DMKN: variants seen among roughly 807,000 people sequenced by gnomAD.
The protein encoded by DMKN is epidermis-specific secreted protein SK30/SK89.
A neutral mutation model predicts 67.6 loss-of-function variants in DMKN; 58 were observed. The observed-to-expected ratio is 0.86, with a 90% CI of 0.69 to 1.07. The LOEUF (loss-of-function observed/expected upper bound fraction) is 1.07. Among genes scored for constraint, DMKN ranks in the 50% least tolerant of loss-of-function variants. DMKN has a pLI of 0.00. For synonymous variants in DMKN, 240 were observed against 232.3 expected, an observed-to-expected ratio of 1.03 and a Z score of -0.30; for missense variants, 596 against 601.5, an observed-to-expected ratio of 0.99 and a Z score of 0.10.
chr19:35,503,251 C>T, intron 9 of DMKN: 2 of 1,460,594 alleles, frequency 1.4e-6, no homozygotes, highest in Non-Finnish European at 9.0e-7. Flanking sequence ...GCCACCCCTT[C>T]CACACCACCC....
intron 13 of DMKN, 104 bp downstream of exon 13, chr19:35,499,854 C>G (rs1471167546): frequency 1.5e-5 from 19 of 1,250,080 alleles, no homozygotes; most frequent in South Asian, 2.5e-5. Flanking sequence ...AGAGCGGGAT[C>G]CGGCCTCCGG....
intron 9 of DMKN, 126 bp downstream of exon 9, chr19:35,505,592 G>A: frequency 8.0e-7 from 1 of 1,251,146 alleles, no homozygotes; most frequent in Non-Finnish European, 1.1e-6. Flanking sequence ...AGTGTGTTTA[G>A]TTTTTGTTTT....
chr19:35,506,239 T>G (rs1199932164), intron 7 of DMKN: 1 of 1,453,868 alleles, frequency 6.9e-7, no homozygotes, highest in African/African-American at 1.4e-5. Flanking sequence ...CTATCATGCC[T>G]GCCACCTGTC....
chr19:35,498,494 C>A (rs912935138), intron 15 of DMKN: 2 of 625,974 alleles, frequency 3.2e-6, no homozygotes, highest in Non-Finnish European at 5.5e-6. Flanking sequence ...CAGGCATGAG[C>A]CACTGCACCC....
intron 9 of DMKN, chr19:35,503,491 T>C: frequency 6.5e-7 from 1 of 1,541,290 alleles, no homozygotes; most frequent in Admixed American, 2.0e-5. Context: ...TTTTTTTTTT[T>C]TTGAGATGGA....
At position 35,511,818 on chromosome 19, in the gene DMKN, C is replaced by A; in HGVS notation, c.685-5G>T. 6.2e-7 allele frequency: 1 copy of A among 1,611,950 alleles called. No homozygotes were observed. The highest frequency in any genetic ancestry group is 8.5e-7 in the Non-Finnish European group (1 of 1,178,878). ...AGATGGTGGGGGATTCGTGCACTGT[C>A]GAGGGAAAGGGATGGTGAGTTTGGG... On this transcript the variant is annotated splice_polypyrimidine_tract_variant and splice_region_variant and intron_variant, in intron 3 of 15. Coordinates refer to ENST00000339686, the MANE Select transcript of DMKN (RefSeq NM_033317.5).
chr19:35,510,449 A>T (rs761604228), intron 5 of DMKN, 197 bp from the exon 6 acceptor site: 1 of 1,552,132 alleles, frequency 6.4e-7, no homozygotes, highest in Non-Finnish European at 8.7e-7. Flanking sequence ...GGTGTGGCCG[A>T]GGGTATTCGG....
At chr19:35,503,062 G>C (rs910036597) in intron 9 of DMKN, among the ~76,000 whole-genome samples, 176 bp from the exon 10 acceptor site, 1 of 152,182 alleles carries the variant, frequency 6.6e-6, no homozygotes, top group Non-Finnish European at 1.5e-5. Context: ...CACAGGGAGA[G>C]AGAGAGGCAC....
chr19:35,506,248 T>C, intron 7 of DMKN: 1 of 1,444,428 alleles, frequency 6.9e-7, no homozygotes, highest in Non-Finnish European at 9.1e-7. Context: ...CTGCCACCTG[T>C]CAACCTGCCC....
intron 11 of DMKN, among the ~76,000 whole-genome samples, chr19:35,501,063 G>T (rs932606371): frequency 1.3e-5 from 2 of 152,180 alleles, no homozygotes; most frequent in African/African-American, 4.8e-5. Flanking sequence ...CAAAAGAAGA[G>T]AAATACAAGA....
In DMKN at chr19:35,508,464, C is replaced by T. The variant is rs867475879; in HGVS notation, c.1038+1447G>A. ...AGTGAAGATAAGAGGTAGATAGTAA[C>T]ATACTCTAAAGCTACCATAAATAAA... On this transcript the variant is annotated intron_variant, in intron 7 of 15. Transcript: ENST00000339686. The T allele has an allele frequency of 1.2e-5, 6 of 499,294 alleles. No individual in the cohort carries two copies. The Middle Eastern group carries it at 1.5e-3, about 121-fold the overall frequency. The allele number at this position is 499,294 out of a possible 1,614,324, so 30.9% of individuals were successfully genotyped here. A position where few individuals can be genotyped will look rare whatever the true frequency, so the allele number is the denominator to read the frequency against.
chr19:35,512,701 C>T lies in DMKN; in HGVS notation c.516G>A (p.Trp172Ter), dbSNP rs772952869. 46 of 1,614,052 alleles carry T rather than the reference C, an allele frequency of 2.8e-5. No individual in the cohort carries two copies. The highest frequency in any genetic ancestry group is 3.9e-5 in the Non-Finnish European group (46 of 1,180,032). Residue 172 changes from tryptophan (W) to a stop codon, truncating the protein, a stop_gained, in exon 2 of 16, where the codon TGG (tryptophan) becomes TGA (stop). Transcript: ENST00000339686. LOFTEE classifies it high-confidence loss of function. ...CTGAGTTTCCGGGGTATCCGTGGACCCACGGAGTCCCCAGACCTCCAGGAT... is the reference window on the plus strand; with the variant it reads ...CTGAGTTTCCGGGGTATCCGTGGACTCACGGAGTCCCCAGACCTCCAGGAT... ...QGNPGGLGTP[W>*]VHGYPGNSAG... is the part of the protein sequence containing the mutation.
chr19:35,498,898 C>A lies in DMKN; in HGVS notation c.1360-1G>T, dbSNP rs184563318. On this transcript the variant is annotated splice_acceptor_variant, in intron 13 of 15. Transcript: ENST00000339686. LOFTEE classifies it high-confidence loss of function. ...CCGAGGAAGAAGGTGAGACTCCCCCCTGCAAAAAGATCAAAGGAAAGTGAT... is the reference window on the plus strand; with the variant it reads ...CCGAGGAAGAAGGTGAGACTCCCCCATGCAAAAAGATCAAAGGAAAGTGAT... 4 of 1,614,022 alleles carry A rather than the reference C, an allele frequency of 2.5e-6. No homozygotes were observed. The highest frequency in any genetic ancestry group is 2.5e-6 in the Non-Finnish European group (3 of 1,180,016).
At position 35,510,259 on chromosome 19, in the gene DMKN, G is replaced by A. The variant is rs1340534220; in HGVS notation, c.919-7C>T. The A allele has an allele frequency of 1.3e-6, 2 of 1,598,840 alleles. No homozygotes were observed. Among genetic ancestry groups the A allele is most frequent in the Non-Finnish European group, 1.7e-6 (2 of 1,172,592 alleles). Reference sequence around the variant, plus strand: ...AGGAGCCGGTGCTGGATCCCTGCAGGGGAAAGCAAGATTTCAAACGCTGTC... The same window carrying A: ...AGGAGCCGGTGCTGGATCCCTGCAGAGGAAAGCAAGATTTCAAACGCTGTC... On this transcript the variant is annotated splice_region_variant and splice_polypyrimidine_tract_variant and intron_variant, in intron 5 of 15. Transcript: ENST00000339686.
At chr19:35,501,217 C>G (rs1476551755) in intron 11 of DMKN, among the ~76,000 whole-genome samples, 2 of 152,184 alleles carry the variant, frequency 1.3e-5, no homozygotes, top group Non-Finnish European at 2.9e-5. Context: ...CCCTGCCACA[C>G]ACACACACAG....
intron 7 of DMKN, among the ~76,000 whole-genome samples, chr19:35,508,924 A>G (rs1182460485): frequency 6.6e-6 from 1 of 152,196 alleles, no homozygotes; most frequent in Non-Finnish European, 1.5e-5. Flanking sequence ...GTATATTAAA[A>G]AACTAGAAAA....
In DMKN at chr19:35,511,230, C is replaced by G. The variant is rs890405880; in HGVS notation, c.918+181G>C. ...TGGCTCTGGCAGAAACGATAGTGCGCGCATCAGGGGCACAGCATGGGTGGG... is the reference window on the plus strand; with the variant it reads ...TGGCTCTGGCAGAAACGATAGTGCGGGCATCAGGGGCACAGCATGGGTGGG... On this transcript the variant is annotated intron_variant, in intron 5 of 15. Coordinates refer to ENST00000339686, the MANE Select transcript of DMKN (RefSeq NM_033317.5). Among the ~76,000 whole-genome samples, 4 of 152,108 alleles carry G rather than the reference C, an allele frequency of 2.6e-5. No individual in the cohort carries two copies. In the East Asian group the frequency reaches 7.7e-4, roughly 29 times the overall value.
chr19:35,511,180 G>A (rs2070691548), intron 5 of DMKN, among the ~76,000 whole-genome samples: 1 of 152,188 alleles, frequency 6.6e-6, no homozygotes. Flanking sequence ...TGGAAAATAG[G>A]GATACAGAGT....
At chr19:35,508,050 G>A (rs1819180817) in intron 7 of DMKN, 6 of 967,360 alleles carry the variant, frequency 6.2e-6, no homozygotes, top group South Asian at 3.3e-5. Flanking sequence ...GTGAAACATG[G>A]CCAGACCCAT....
Sources: gnomAD v4.1 joint callset for allele counts (sites outside exome capture counted in the v4.1 genomes callset) on GRCh38, gnomAD v4.1.1 for gene constraint, MANE v1.5 for transcripts, NCBI Gene and HGNC (gene_info 2026-07-23, HGNC 2026-07-21) for gene names.